Variants in GPR139 observed in about 807,000 individuals in gnomAD.
The protein encoded by GPR139 is G protein-coupled receptor 139, also known as probable G protein-coupled receptor 139.
In GPR139, 12 loss-of-function variants were observed where a neutral mutation model predicts 25.8. That is an observed-to-expected ratio of 0.47 (90% CI 0.30 to 0.75). The LOEUF (loss-of-function observed/expected upper bound fraction) is 0.75, where lower values mean the gene tolerates loss of function less well. GPR139 is among the 30% of genes least tolerant of loss of function. The pLI is 0.07. For synonymous variants in GPR139, 184 were observed against 179.9 expected (o/e 1.02, Z -0.18); for missense variants, 380 against 450.2 (o/e 0.84, Z 1.41).
rs1304900610 is a variant in GPR139, at chr16:20,032,245, G to C, written c.552C>G (p.Ile184Met). 1 of 1,614,220 alleles carries C rather than the reference G, an allele frequency of 6.2e-7. No homozygotes were observed. The highest frequency in any genetic ancestry group is 8.5e-7 in the Non-Finnish European group (1 of 1,180,030). ...YISTSVHHVL[I>M]WIHCFTVYLV... ...GGTAGACGGTGAAGCAGTGGATCCAGATGAGGACGTGATGCACAGAGGTGC... is the reference window on the plus strand; with the variant it reads ...GGTAGACGGTGAAGCAGTGGATCCACATGAGGACGTGATGCACAGAGGTGC... Residue 184 changes from isoleucine to methionine, a missense_variant, in exon 2 of 2, where the codon ATC (isoleucine) becomes ATG (methionine). Coordinates refer to ENST00000570682, the MANE Select transcript of GPR139 (RefSeq NM_001002911.4).
chr16:20,071,939 A>G (rs547348815), intron 1 of GPR139, among the ~76,000 whole-genome samples: 402 of 152,100 alleles, frequency 2.6e-3, no homozygotes, highest in African/African-American at 9.2e-3. Context: ...GGACATTCTG[A>G]TGGGAATGCT....
In GPR139 at chr16:20,029,659, A is replaced by G. The variant is rs1410820636; in HGVS notation, c.*2076T>C. ...TTAAGGGAGGTGAGGGAATCTGCTTACCATTCCACTCAATGAGCATACGCC... is the reference window on the plus strand; with the variant it reads ...TTAAGGGAGGTGAGGGAATCTGCTTGCCATTCCACTCAATGAGCATACGCC... On this transcript the variant is annotated 3_prime_UTR_variant, in exon 2 of 2. Coordinates refer to ENST00000570682, the MANE Select transcript of GPR139 (RefSeq NM_001002911.4). 6.6e-6 allele frequency among the ~76,000 whole-genome samples: 1 copy of G among 152,150 alleles called. No homozygotes were observed. The highest frequency in any genetic ancestry group is 1.5e-5 in the Non-Finnish European group (1 of 68,028).
At chr16:20,052,933 C>T (rs1481157013) in intron 1 of GPR139, among the ~76,000 whole-genome samples, 1 of 151,988 alleles carries the variant, frequency 6.6e-6, no homozygotes, top group Non-Finnish European at 1.5e-5. Flanking sequence ...TGGTGCGTCA[C>T]GGTGGTTTGC....
chr16:20,060,327 CATGT>C (rs764881162), intron 1 of GPR139, among the ~76,000 whole-genome samples: 3 of 151,436 alleles, frequency 2.0e-5, no homozygotes, highest in Non-Finnish European at 4.4e-5. Context: ...TGTGTATCTG[CATGT>C]ATGTCTCTGT....
chr16:20,070,773 G>C (rs1006309331), intron 1 of GPR139, among the ~76,000 whole-genome samples: 8 of 152,242 alleles, frequency 5.3e-5, no homozygotes, highest in Non-Finnish European at 1.2e-4. Context: ...ATATGAGCAA[G>C]AGCTGTGGTC....
At chr16:20,041,223 GA>G (rs2057332241) in intron 1 of GPR139, among the ~76,000 whole-genome samples, 2 of 4,178 alleles carry the variant, frequency 4.8e-4, no homozygotes, top group Non-Finnish European at 1.2e-3. Context: ...GAGGAGAGGA[GA>G]GGAGAGGAGA....
chr16:20,036,310 G>C (rs1250828906), intron 1 of GPR139, among the ~76,000 whole-genome samples: 2 of 152,140 alleles, frequency 1.3e-5, no homozygotes, highest in African/African-American at 4.8e-5. Flanking sequence ...CAGGATCTGG[G>C]GCTGGGCTGC....
chr16:20,039,516 G>T (rs1254845979), intron 1 of GPR139, among the ~76,000 whole-genome samples: 1 of 152,122 alleles, frequency 6.6e-6, no homozygotes, highest in Non-Finnish European at 1.5e-5. Flanking sequence ...AATAGTAATA[G>T]AATTTGTCTA....
At chr16:20,038,175 C>T (rs1450242717) in intron 1 of GPR139, among the ~76,000 whole-genome samples, 2 of 151,874 alleles carry the variant, frequency 1.3e-5, no homozygotes, top group Non-Finnish European at 2.9e-5. Context: ...ACCTCTTTTT[C>T]CCCCCCATCC....
chr16:20,041,115 G>C (rs1022327730), intron 1 of GPR139, among the ~76,000 whole-genome samples: 1 of 3,708 alleles, frequency 2.7e-4, no homozygotes, highest in Non-Finnish European at 4.8e-4. Flanking sequence ...GACCCAGAAA[G>C]GAAAGGAAAG....
intron 1 of GPR139, among the ~76,000 whole-genome samples, chr16:20,057,656 C>T: frequency 6.6e-6 from 1 of 151,948 alleles, no homozygotes; most frequent in East Asian, 1.9e-4. Context: ...CCTACCAGGC[C>T]CCCTACCATG....
intron 1 of GPR139, among the ~76,000 whole-genome samples, chr16:20,045,715 G>T (rs2057352148): frequency 1.3e-5 from 2 of 152,094 alleles, no homozygotes; most frequent in African/African-American, 4.8e-5. Flanking sequence ...GGAGATCTGG[G>T]GAGCTAATCA....
In GPR139 at chr16:20,050,995, C is replaced by G. The variant is rs547772568; in HGVS notation, c.128-18326G>C. On this transcript the variant is annotated intron_variant, in intron 1 of 1. Transcript: ENST00000570682. ...GGTGTATTGTTTGAGCCCAAGAGGT[C>G]AAGGCTGCAGTGAGTGGAGATCGTG... is the stretch of plus-strand genomic sequence containing the variant. Among the ~76,000 whole-genome samples, 271 of 143,606 alleles carry G rather than the reference C, an allele frequency of 1.9e-3. 3 individuals are homozygous for G. Among genetic ancestry groups the G allele is most frequent in the African/African-American group, 6.8e-3 (257 of 37,966 alleles). 94.2% of individuals were successfully genotyped at this position (143,606 alleles called of 152,430 possible). A position where few individuals can be genotyped will look rare whatever the true frequency, so the allele number is the denominator to read the frequency against.
At chr16:20,072,190 G>A (rs994143330) in intron 1 of GPR139, among the ~76,000 whole-genome samples, 18 of 152,174 alleles carry the variant, frequency 1.2e-4, no homozygotes, top group African/African-American at 4.3e-4. Flanking sequence ...GTGGCGATTA[G>A]TTAGGAATAA....
chr16:20,067,523 G>T (rs1465793751), intron 1 of GPR139, among the ~76,000 whole-genome samples: 1 of 152,144 alleles, frequency 6.6e-6, no homozygotes, highest in African/African-American at 2.4e-5. Context: ...TTGGAGTGCT[G>T]GCTGGGCACA....
At chr16:20,058,246 C>T (rs11642662) in intron 1 of GPR139, among the ~76,000 whole-genome samples, 6,081 of 152,234 alleles carry the variant, frequency 0.04, 176 homozygotes, top group Non-Finnish European at 0.06. Context: ...AAATCCAGGT[C>T]TTACAGCCCT....
At chr16:20,046,659 T>C (rs2057355354) in intron 1 of GPR139, among the ~76,000 whole-genome samples, 1 of 152,028 alleles carries the variant, frequency 6.6e-6, no homozygotes, top group Admixed American at 6.6e-5. Flanking sequence ...TCTGAGTTTG[T>C]GGCGAGGGAA....
chr16:20,072,470 C>T (rs2057463048), intron 1 of GPR139, among the ~76,000 whole-genome samples: 2 of 152,054 alleles, frequency 1.3e-5, no homozygotes, highest in Non-Finnish European at 2.9e-5. Context: ...GATTTTTTTT[C>T]TCTCTTTCTC....
In GPR139 at chr16:20,032,095, G is replaced by A. The variant is rs758802247; in HGVS notation, c.702C>T (p.Thr234=). The change falls in exon 2 of 2, where the codon ACC becomes ACT. Residue 234 remains threonine (T), a synonymous_variant. Coordinates refer to ENST00000570682, the MANE Select transcript of GPR139 (RefSeq NM_001002911.4). The part of the protein sequence containing the change: ...GKTTAILFTI[T]SIFATLWAPR... ...GGGCCCAAAGTGTGGCAAAGATGGA[G>A]GTAATGGTGAACAAGATGGCGGTGG... 5 of 1,614,210 alleles carry A rather than the reference G, an allele frequency of 3.1e-6. No homozygotes were observed. The African/African-American group carries it at 4.0e-5, about 13-fold the overall frequency.
Sources: allele counts gnomAD v4.1 joint callset (sites outside exome capture counted in the v4.1 genomes callset), GRCh38; gene constraint gnomAD v4.1.1; transcripts MANE v1.5; gene names NCBI Gene and HGNC (gene_info 2026-07-23, HGNC 2026-07-21).